The following ZNF208 variants were observed in gnomAD, a reference collection of about 807,000 sequenced individuals.
The protein encoded by ZNF208 is zinc finger protein 95.
A neutral mutation model predicts 12.1 loss-of-function variants in ZNF208; 10 were observed. The ratio of observed to expected loss-of-function variants is 0.83; its 90% CI spans 0.51 to 1.40. The LOEUF is 1.40. Among genes scored for constraint, ZNF208 ranks in the 40% most tolerant of loss-of-function variants. The probability of loss-of-function intolerance (pLI) is 0.00; values close to 1 mark genes in which losing one functional copy is unlikely to be tolerated. For missense variants in ZNF208, 1,652 were observed against 1,485.0 expected, an observed-to-expected ratio of 1.11 and a Z score of -1.85; for synonymous variants, 497 against 488.4, an observed-to-expected ratio of 1.02 and a Z score of -0.23.
intron 4 of ZNF208, among the ~76,000 whole-genome samples, chr19:21,949,884 G>C (rs1969864894): frequency 6.6e-6 from 1 of 152,148 alleles, no homozygotes; most frequent in African/African-American, 2.4e-5. Context: ...ACATAGGACT[G>C]CTGTCCTCTA....
intron 3 of ZNF208, among the ~76,000 whole-genome samples, chr19:21,978,120 T>TG (rs1239649327): frequency 6.6e-6 from 1 of 152,116 alleles, no homozygotes; most frequent in Non-Finnish European, 1.5e-5. Context: ...CAGAGCACCT[T>TG]GGGGAAGGGA....
intron 4 of ZNF208, among the ~76,000 whole-genome samples, chr19:21,947,033 A>G (rs1969824783): frequency 1.3e-5 from 2 of 151,198 alleles, no homozygotes; most frequent in South Asian, 4.2e-4. Context: ...AATGTTGTGA[A>G]TGTTTTTACA....
intron 1 of ZNF208, among the ~76,000 whole-genome samples, chr19:21,994,507 A>G (rs1455271572): frequency 6.6e-6 from 1 of 152,036 alleles, no homozygotes; most frequent in Non-Finnish European, 1.5e-5. Context: ...TGTAGAGCCG[A>G]TGTACAATTC....
In ZNF208 at chr19:21,971,505, C is replaced by G. The variant is rs760359608; in HGVS notation, c.3529G>C (p.Gly1177Arg). The G allele has an allele frequency of 1.9e-6, 3 of 1,607,970 alleles. No individual in the cohort carries two copies. Among genetic ancestry groups the G allele is most frequent in the Non-Finnish European group, 2.5e-6 (3 of 1,177,802 alleles). Reference sequence around the variant, plus strand: ...GCAAGGATTGAGAACATAACAAAGCCTTTGCCACATTCTTCACATTTGTAG... The same window carrying G: ...GCAAGGATTGAGAACATAACAAAGCGTTTGCCACATTCTTCACATTTGTAG... ...KPYKCEECGKGFVMFSILAKH... is the reference protein window; with the variant it reads ...KPYKCEECGKRFVMFSILAKH... The change falls in exon 4 of 4, where the codon GGC (glycine) becomes CGC (arginine). Residue 1177 changes from glycine to arginine, a missense_variant. Gly to Arg is a moderately radical substitution (Grantham distance 125). This residue lies in a region of ZNF208 where 1,239 missense variants were observed against 1,086.2 expected (regional missense o/e 1.14). Coordinates refer to ENST00000397126, the MANE Select transcript of ZNF208 (RefSeq NM_007153.3).
chr19:21,957,742 T>C (rs186075282), intron 4 of ZNF208, among the ~76,000 whole-genome samples: 2 of 152,314 alleles, frequency 1.3e-5, no homozygotes, highest in Non-Finnish European at 2.9e-5. Context: ...TGCTGCACTA[T>C]GTTCAAATAG....
chr19:21,953,639 T>C (rs1398018134), intron 4 of ZNF208, among the ~76,000 whole-genome samples: 2 of 152,166 alleles, frequency 1.3e-5, no homozygotes, highest in Non-Finnish European at 2.9e-5. Context: ...CAGGCCTGCC[T>C]TACAAGAGCT....
intron 4 of ZNF208, among the ~76,000 whole-genome samples, chr19:21,957,902 G>C (rs1970001274): frequency 1.3e-5 from 2 of 151,794 alleles, no homozygotes; most frequent in African/African-American, 4.8e-5. Flanking sequence ...AGTTACATAT[G>C]TATACATGTG....
Position 21,974,460 on chromosome 19 carries a change from T to A in ZNF208, c.574A>T (p.Lys192Ter). ...FCMLSHLSQH[K>*]RIYTRENSYK... is the part of the protein sequence containing the mutation. ...GAATTCTCTCTAGTATAAATTCTTT[T>A]ATGTTGAGATAGGTGTGAAAGCATG... The change falls in exon 4 of 4, where the codon AAA becomes TAA. Residue 192 changes from lysine to a stop codon, truncating the protein, a stop_gained. Coordinates refer to ENST00000397126, the MANE Select transcript of ZNF208 (RefSeq NM_007153.3). LOFTEE classifies it low-confidence loss of function (END_TRUNC). 1 of 1,613,730 alleles carries A rather than the reference T, an allele frequency of 6.2e-7. No homozygotes were observed. The highest frequency in any genetic ancestry group is 8.5e-7 in the Non-Finnish European group (1 of 1,179,762).
intron 1 of ZNF208, among the ~76,000 whole-genome samples, chr19:22,010,349 A>T (rs1336646614): frequency 1.3e-5 from 2 of 152,196 alleles, no homozygotes; most frequent in African/African-American, 4.8e-5. Flanking sequence ...ACAATTTTGG[A>T]ATCACTCTTT....
chr19:21,987,063 C>G (rs1970639857), intron 3 of ZNF208, 153 bp downstream of exon 3: 1 of 696,704 alleles, frequency 1.4e-6, no homozygotes, highest in East Asian at 3.1e-5. Flanking sequence ...CGAAGATGCC[C>G]CTGTGTGAGA....
intron 1 of ZNF208, among the ~76,000 whole-genome samples, chr19:21,996,039 G>T (rs572421455): frequency 6.6e-6 from 1 of 152,242 alleles, no homozygotes; most frequent in South Asian, 2.1e-4. Flanking sequence ...ACCTCACTCT[G>T]CATTTTTGGG....
chr19:21,958,428 A>G (rs1378771345), intron 4 of ZNF208, among the ~76,000 whole-genome samples: 2 of 152,212 alleles, frequency 1.3e-5, no homozygotes, highest in African/African-American at 4.8e-5. Flanking sequence ...AGAAATAAAT[A>G]AGGTGCCAAT....
At chr19:21,962,938 A>G (rs755931793), downstream of ZNF208, among the ~76,000 whole-genome samples, 5 of 152,110 alleles carry the variant, frequency 3.3e-5, no homozygotes, top group Non-Finnish European at 5.9e-5. Context: ...TAGAAACAAT[A>G]ATATTATGAC....
chr19:22,007,187 G>T (rs1306625702), intron 1 of ZNF208, among the ~76,000 whole-genome samples: 1 of 151,858 alleles, frequency 6.6e-6, no homozygotes, highest in Non-Finnish European at 1.5e-5. Context: ...CATTCTAAAA[G>T]CTAGATGGAA....
At position 21,972,520 on chromosome 19, in the gene ZNF208, A is replaced by G. The variant is rs892866969; in HGVS notation, c.2514T>C (p.Cys838=). The change falls in exon 4 of 4, where the codon TGT becomes TGC. Residue 838 remains cysteine, a synonymous_variant. Coordinates refer to ENST00000397126, the MANE Select transcript of ZNF208 (RefSeq NM_007153.3). ...TTGAGAACTTACTAAAGGCTTTGCC[A>G]CATTCTTTACATTTGTAGGGCTTTT... ...AGEKPYKCKE[C]GKAFSKFSIL... is the part of the protein sequence containing the mutation. The G allele has an allele frequency of 6.2e-7, 1 of 1,613,004 alleles. No individual in the cohort carries two copies.
chr19:21,952,682 C>A (rs555357258), intron 4 of ZNF208, among the ~76,000 whole-genome samples: 15 of 152,232 alleles, frequency 9.9e-5, no homozygotes, highest in African/African-American at 3.1e-4. Flanking sequence ...CATTAAAGAC[C>A]AAAGGTAGAT....
chr19:21,956,313 A>G (rs916064202), intron 4 of ZNF208, among the ~76,000 whole-genome samples: 3 of 107,226 alleles, frequency 2.8e-5, no homozygotes, highest in African/African-American at 4.3e-5. Flanking sequence ...CAGTCTGTCC[A>G]TTCTCATATC....
At chr19:21,974,895 C>T (rs772911020) in intron 3 of ZNF208, 88 bp from the exon 4 acceptor site, 1 of 1,401,498 alleles carries the variant, frequency 7.1e-7, no homozygotes. Context: ...ATTATTCAAA[C>T]TACATAAGCA....
chr19:21,969,151 A>T lies in ZNF208; in HGVS notation c.*2040T>A, dbSNP rs1336438328. Among the ~76,000 whole-genome samples the T allele has an allele frequency of 3.3e-5, 5 of 152,114 alleles. No individual in the cohort carries two copies. Among genetic ancestry groups the T allele is most frequent in the Admixed American group, 2.0e-4 (3 of 15,260 alleles). On this transcript the variant is annotated 3_prime_UTR_variant, in exon 4 of 4. Coordinates refer to ENST00000397126, the MANE Select transcript of ZNF208 (RefSeq NM_007153.3). ...TAATTTCTTTATTTCTTTTTAGTAA[A>T]CATGTTTAGTAAACATTTCTTTTTA... is the stretch of plus-strand genomic sequence containing the variant.
Sources: allele counts gnomAD v4.1 joint callset (sites outside exome capture counted in the v4.1 genomes callset), GRCh38; gene constraint gnomAD v4.1.1; regional missense constraint gnomAD v4.1.1; transcripts MANE v1.5; gene names NCBI Gene and HGNC (gene_info 2026-07-23, HGNC 2026-07-21).